CDHR2: variants seen among roughly 807,000 people sequenced by gnomAD.
The protein encoded by CDHR2 is cadherin related family member 2.
CDHR2 carries 104 observed loss-of-function variants against 138.6 expected under a neutral mutation model. The observed-to-expected ratio is 0.75, with a 90% confidence interval of 0.64 to 0.88. The LOEUF (loss-of-function observed/expected upper bound fraction) is 0.88. Ranked by LOEUF, CDHR2 falls within the 40% of genes least tolerant of loss-of-function variation. CDHR2 has a pLI of 0.00. For synonymous variants in CDHR2, 755 were observed against 742.8 expected (o/e 1.02, Z -0.27); for missense variants, 1,624 against 1,727.6 (o/e 0.94, Z 1.06).
Position 176,587,475 on chromosome 5 carries a change from T to A in CDHR2, c.2856+633T>A, listed in dbSNP as rs571360843. Among the ~76,000 whole-genome samples the A allele has an allele frequency of 2.0e-5, 3 of 151,884 alleles. No homozygotes were observed. The East Asian group carries it at 5.8e-4, about 29-fold the overall frequency. On this transcript the variant is annotated intron_variant, in intron 21 of 31. Coordinates refer to ENST00000261944, the MANE Select transcript of CDHR2 (RefSeq NM_017675.6). ...AAAAAAAATAAATAAATAAATAAAT[T>A]ATTGGAGCCAAGTCATAAAAAGGCT...
intron 17 of CDHR2, among the ~76,000 whole-genome samples, chr5:176,582,128 C>T (rs1332178642): frequency 1.3e-5 from 2 of 152,188 alleles, no homozygotes; most frequent in Non-Finnish European, 2.9e-5. Flanking sequence ...TCAAGCGATC[C>T]TCCTGCCTCA....
intron 21 of CDHR2, among the ~76,000 whole-genome samples, chr5:176,588,615 G>T (rs1034889142): frequency 7.0e-6 from 1 of 143,072 alleles, no homozygotes; most frequent in African/African-American, 2.6e-5. Context: ...GCATATGTGT[G>T]TAAGTGTGTG....
Position 176,589,405 on chromosome 5 carries a change from G to A in CDHR2, c.3084G>A (p.Leu1028=). The A allele has an allele frequency of 6.3e-7, 1 of 1,580,820 alleles. No individual in the cohort carries two copies. Among genetic ancestry groups the A allele is most frequent in the Non-Finnish European group, 8.6e-7 (1 of 1,161,612 alleles). The change falls in exon 23 of 32, where the codon TTG becomes TTA. Residue 1028 remains leucine, a synonymous_variant. Transcript: ENST00000261944. ...TCCAGGCCAGGGACAGACCTTCCTT[G>A]GGTCCTTTCCTGGAAGCCACCACCA... ...VTVQARDRPS[L]GPFLEATTTL... is the part of the protein sequence containing the mutation.
At chr5:176,585,693 A>G (rs1295261731) in intron 19 of CDHR2, among the ~76,000 whole-genome samples, 2 of 152,226 alleles carry the variant, frequency 1.3e-5, no homozygotes, top group African/African-American at 4.8e-5. Context: ...CACACAGGCC[A>G]GAGAAGACCG....
intron 19 of CDHR2, 83 bp from the exon 20 acceptor site, chr5:176,585,871 G>C: frequency 1.8e-6 from 2 of 1,081,242 alleles, no homozygotes; most frequent in East Asian, 4.7e-5. Flanking sequence ...ATGGGGTTGA[G>C]GCTGTGGGGC....
Position 176,590,145 on chromosome 5 carries a change from C to A in CDHR2, c.3274C>A (p.Arg1092=). 6.2e-7 allele frequency: 1 copy of A among 1,613,362 alleles called. No individual in the cohort carries two copies. The highest frequency in any genetic ancestry group is 1.3e-5 in the African/African-American group (1 of 75,028). ...CATTCAGGACATAGATTCTGCAGCT[C>A]GGTGAGTGCCCAGAGGCCTGGGGGT... ...VDIQDIDSAA[R]ARPHSYLDAY... is the part of the protein sequence containing the mutation. The change falls in exon 25 of 32, where the codon CGG becomes AGG. Residue 1092 remains arginine, a splice_region_variant and synonymous_variant. Coordinates refer to ENST00000261944, the MANE Select transcript of CDHR2 (RefSeq NM_017675.6).
intron 1 of CDHR2, among the ~76,000 whole-genome samples, chr5:176,559,980 A>G (rs1015101302): frequency 1.1e-4 from 16 of 152,194 alleles, no homozygotes; most frequent in African/African-American, 3.9e-4. Context: ...GTTGGTTTGC[A>G]TAGGAGAGGC....
Position 176,575,637 on chromosome 5 carries a change from G to A in CDHR2, c.844+56G>A, listed in dbSNP as rs369712069. On this transcript the variant is annotated intron_variant, in intron 10 of 31. Coordinates refer to ENST00000261944, the MANE Select transcript of CDHR2 (RefSeq NM_017675.6). ...GGGCCGGGGCCAGGGTGGGGTCTCC[G>A]TCAGAGTCCCTGGAGGCAATGGGCC... is the stretch of plus-strand genomic sequence containing the variant. 1.3e-3 allele frequency: 2,159 copies of A among 1,604,138 alleles called. 33 individuals are homozygous for A. In the South Asian group the frequency reaches 0.022, roughly 16 times the overall value.
rs893518918 is a variant in CDHR2, at chr5:176,576,277, C to T, written c.1194+92C>T. On this transcript the variant is annotated intron_variant, in intron 12 of 31. Coordinates refer to ENST00000261944, the MANE Select transcript of CDHR2 (RefSeq NM_017675.6). This position sits in a 1 kb window ranked among gnomAD's most constrained non-coding sequence, Gnocchi z 4.5. The stretch of plus-strand genomic sequence containing the variant: ...GACGGTGTCATGTGGTGCTGGGTGG[C>T]GGTGCTGGTGGTGCAGGGTGTGATG... The T allele has an allele frequency of 1.0e-4, 103 of 1,033,774 alleles. 1 individual carries two copies. Among genetic ancestry groups the T allele is most frequent in the South Asian group, 3.0e-4 (20 of 67,420 alleles). The allele number at this position is 1,033,774 out of a possible 1,614,324, so 64.0% of individuals were successfully genotyped here.
rs751285413 is a variant in CDHR2 at position 176,589,639 on chromosome 5, G to A, written c.3206+23G>A. ...TGCGTAGGTCTGGGGAGCCCCGGAG[G>A]GAGGGGTAGGAAGAACAGGGTGTAG... On this transcript the variant is annotated intron_variant, in intron 24 of 31. Transcript: ENST00000261944. The A allele has an allele frequency of 1.9e-6, 3 of 1,607,936 alleles. No homozygotes were observed. The East Asian group carries it at 6.7e-5, about 36-fold the overall frequency.
At chr5:176,561,943 G>C (rs1757976761) in intron 1 of CDHR2, among the ~76,000 whole-genome samples, 1 of 152,026 alleles carries the variant, frequency 6.6e-6, no homozygotes, top group Non-Finnish European at 1.5e-5. Flanking sequence ...CCCAGCCTTG[G>C]AGCTGGCTTT....
intron 1 of CDHR2, among the ~76,000 whole-genome samples, chr5:176,550,144 G>T (rs1415696751): frequency 2.0e-5 from 3 of 152,244 alleles, no homozygotes; most frequent in Non-Finnish European, 4.4e-5. Flanking sequence ...CAGGGTCCCA[G>T]TGAGCACCGA....
chr5:176,550,076 C>T (rs1397404429), intron 1 of CDHR2, among the ~76,000 whole-genome samples: 4 of 152,170 alleles, frequency 2.6e-5, no homozygotes, highest in South Asian at 2.1e-4. Flanking sequence ...AGCTGAGAGT[C>T]GGGGCCATGC....
At position 176,589,594 on chromosome 5, in the gene CDHR2, G is replaced by A. The variant is rs749432297; in HGVS notation, c.3184G>A (p.Ala1062Thr). 1.3e-5 allele frequency: 21 copies of A among 1,613,922 alleles called. No individual in the cohort carries two copies. Among genetic ancestry groups the A allele is most frequent in the Middle Eastern group, 1.6e-4 (1 of 6,084 alleles). ...QFSTPKEEVG[A>T]NRQAINAALT... ...CTCCACACCGAAGGAGGAGGTGGGC[G>A]CCAACAGACAGGCGATTAATGCGTA... The change falls in exon 24 of 32, where the codon GCC becomes ACC. Residue 1062 changes from alanine to threonine, a missense_variant. Physicochemically the swap from Ala to Thr is moderately conservative, Grantham distance 58. Coordinates refer to ENST00000261944, the MANE Select transcript of CDHR2 (RefSeq NM_017675.6).
Position 176,575,987 on chromosome 5 carries a change from G to C in CDHR2, c.996G>C (p.Glu332Asp). Reference protein sequence around the residue: ...TETHLNIYGQEAKVSIWVTVR... With the variant: ...TETHLNIYGQDAKVSIWVTVR... Reference sequence around the variant, plus strand: ...CACACCTCAACATCTACGGGCAGGAGGCCAAGGTGAGCATCTGGGTGACAG... The same window carrying C: ...CACACCTCAACATCTACGGGCAGGACGCCAAGGTGAGCATCTGGGTGACAG... The change falls in exon 12 of 32, where the codon GAG becomes GAC. Residue 332 changes from glutamate to aspartate, a missense_variant. Physicochemically the swap from Glu to Asp is conservative, Grantham distance 45. This residue lies in a region of CDHR2 where 1,061 missense variants were observed against 1,136.6 expected (regional missense o/e 0.93). Coordinates refer to ENST00000261944, the MANE Select transcript of CDHR2 (RefSeq NM_017675.6). 2 of 1,613,904 alleles carry C rather than the reference G, an allele frequency of 1.2e-6. No individual in the cohort carries two copies. Among genetic ancestry groups the C allele is most frequent in the Non-Finnish European group, 1.7e-6 (2 of 1,179,982 alleles).
intron 8 of CDHR2, 29 bp from the exon 9 acceptor site, chr5:176,575,251 C>A: frequency 6.8e-6 from 11 of 1,614,150 alleles, no homozygotes; most frequent in Non-Finnish European, 8.5e-6. Context: ...ACCCACGGCG[C>A]TGGCTCACGG....
intron 1 of CDHR2, among the ~76,000 whole-genome samples, chr5:176,552,953 T>G (rs1465790333): frequency 1.3e-5 from 2 of 152,200 alleles, no homozygotes; most frequent in African/African-American, 4.8e-5. Flanking sequence ...GGGGAGAGAC[T>G]GTGCGTGCAT....
intron 1 of CDHR2, among the ~76,000 whole-genome samples, chr5:176,565,043 C>T (rs1346208716): frequency 6.6e-6 from 1 of 152,176 alleles, no homozygotes. Flanking sequence ...TAGCAGCCAC[C>T]TCACAGTTGT....
chr5:176,578,624 G>C lies in CDHR2; in HGVS notation c.1818+16G>C. Reference sequence around the variant, plus strand: ...GACCATCCAGGTGTGAGCCTGCCTGGACCTGGTGGGTAAGGCTGGGGGAGG... The same window carrying C: ...GACCATCCAGGTGTGAGCCTGCCTGCACCTGGTGGGTAAGGCTGGGGGAGG... On this transcript the variant is annotated intron_variant, in intron 16 of 31. Coordinates refer to ENST00000261944, the MANE Select transcript of CDHR2 (RefSeq NM_017675.6). The C allele has an allele frequency of 6.2e-7, 1 of 1,606,210 alleles. No individual in the cohort carries two copies. The highest frequency in any genetic ancestry group is 8.5e-7 in the Non-Finnish European group (1 of 1,179,868).
Sources: gnomAD v4.1 joint callset for allele counts (sites outside exome capture counted in the v4.1 genomes callset) on GRCh38, gnomAD v4.1.1 for gene constraint, gnomAD v4.1.1 regional missense constraint, Gnocchi (gnomAD v3.1) non-coding constraint, MANE v1.5 for transcripts, NCBI Gene and HGNC (gene_info 2026-07-23, HGNC 2026-07-21) for gene names.